NRG3: variants seen among roughly 807,000 people sequenced by gnomAD.
NRG3 encodes the protein pro-neuregulin-3, membrane-bound isoform.
Under a neutral mutation model 66.9 loss-of-function variants are expected in NRG3, and 31 were observed. The ratio of observed to expected loss-of-function variants is 0.46; its 90% CI spans 0.35 to 0.63. NRG3 has a LOEUF of 0.63. Among genes scored for constraint, NRG3 ranks in the 20% least tolerant of loss-of-function variants. The probability of loss-of-function intolerance (pLI) is 0.00; values close to 1 mark genes in which losing one functional copy is unlikely to be tolerated. For missense variants in NRG3, 910 were observed against 878.9 expected (o/e 1.04, Z -0.45); for synonymous variants, 393 against 359.4 (o/e 1.09, Z -1.06).
intron 1 of NRG3, among the ~76,000 whole-genome samples, chr10:82,064,216 A>G (rs2064318813): frequency 6.6e-6 from 1 of 152,202 alleles, no homozygotes; most frequent in Non-Finnish European, 1.5e-5. Context: ...TGCATAGCTT[A>G]TAGTCCTGAG....
chr10:81,981,634 C>G (rs1467402940), intron 1 of NRG3, among the ~76,000 whole-genome samples: 1 of 152,220 alleles, frequency 6.6e-6, no homozygotes, highest in Non-Finnish European at 1.5e-5. Context: ...AAAGAGACAG[C>G]CTTGGCTTTC....
chr10:82,383,057 G>A (rs544753119), intron 2 of NRG3, among the ~76,000 whole-genome samples: 1 of 151,864 alleles, frequency 6.6e-6, no homozygotes, highest in South Asian at 2.1e-4. Context: ...CCTTCAAAAA[G>A]GCCTTCATTT....
intron 2 of NRG3, among the ~76,000 whole-genome samples, chr10:82,670,193 T>C (rs2053154531): frequency 6.6e-6 from 1 of 152,122 alleles, no homozygotes. Flanking sequence ...CCCACTCTTA[T>C]TTCCCACTAC....
At chr10:82,461,481 C>T (rs1481600362) in intron 2 of NRG3, among the ~76,000 whole-genome samples, 2 of 152,160 alleles carry the variant, frequency 1.3e-5, no homozygotes, top group Non-Finnish European at 2.9e-5. Flanking sequence ...TTTTCTGTTT[C>T]CACATTCTTA....
intron 2 of NRG3, among the ~76,000 whole-genome samples, chr10:82,372,822 G>A (rs2084972004): frequency 6.6e-6 from 1 of 152,188 alleles, no homozygotes; most frequent in South Asian, 2.1e-4. Flanking sequence ...TCAAACTCCA[G>A]GCCTCAAGGG....
At chr10:82,029,244 C>T (rs1252137004) in intron 1 of NRG3, among the ~76,000 whole-genome samples, 1 of 151,952 alleles carries the variant, frequency 6.6e-6, no homozygotes, top group Admixed American at 6.6e-5. Context: ...CTCTGATACC[C>T]ATCGTTACCA....
intron 4 of NRG3, among the ~76,000 whole-genome samples, chr10:82,897,643 C>T (rs1041486428): frequency 5.3e-5 from 8 of 152,116 alleles, no homozygotes; most frequent in South Asian, 2.1e-4. Context: ...CTCAGCCTCC[C>T]GAGTAGCTGG....
At chr10:82,196,580 G>A (rs972311224) in intron 1 of NRG3, among the ~76,000 whole-genome samples, 1 of 152,096 alleles carries the variant, frequency 6.6e-6, no homozygotes, top group Non-Finnish European at 1.5e-5. Flanking sequence ...ATGCTAAAAG[G>A]TAATAATAAA....
At chr10:82,277,236 A>G (rs1156784449) in intron 1 of NRG3, among the ~76,000 whole-genome samples, 1 of 152,060 alleles carries the variant, frequency 6.6e-6, no homozygotes, top group African/African-American at 2.4e-5. Flanking sequence ...AAATGGAAAA[A>G]TCTTTAATCT....
At chr10:82,774,882 G>T in intron 3 of NRG3, among the ~76,000 whole-genome samples, 1 of 134,354 alleles carries the variant, frequency 7.4e-6, no homozygotes, top group East Asian at 2.2e-4. Context: ...TGTTAATGTG[G>T]CATGATCTCA....
intron 4 of NRG3, among the ~76,000 whole-genome samples, chr10:82,881,043 G>T (rs776523851): frequency 2.1e-4 from 32 of 152,144 alleles, no homozygotes; most frequent in Non-Finnish European, 3.8e-4. Flanking sequence ...AGTGTGCTTT[G>T]TGTCCCAAGG....
intron 3 of NRG3, among the ~76,000 whole-genome samples, chr10:82,844,071 A>G (rs763128875): frequency 6.6e-6 from 1 of 152,214 alleles, no homozygotes; most frequent in African/African-American, 2.4e-5. Flanking sequence ...AAGACTATGA[A>G]TGCCATAAAT....
At chr10:82,217,716 C>G (rs1294823350) in intron 1 of NRG3, among the ~76,000 whole-genome samples, 1 of 152,138 alleles carries the variant, frequency 6.6e-6, no homozygotes, top group Admixed American at 6.5e-5. Flanking sequence ...CCTGTGTGCT[C>G]CCATGTCTGA....
In NRG3 at chr10:82,137,352, A is replaced by G. The variant is rs529781180; in HGVS notation, c.824-221387A>G. ...TAAATTCATGCTAAGCCGAAGTGCC[A>G]GAATATTAACTAAATGCAGGTGATG... On this transcript the variant is annotated intron_variant, in intron 1 of 8. Transcript: ENST00000372141. 3.9e-5 allele frequency among the ~76,000 whole-genome samples: 6 copies of G among 152,344 alleles called. No homozygotes were observed. The East Asian group carries it at 9.7e-4, about 25-fold the overall frequency.
chr10:82,321,713 A>G (rs75241419), intron 1 of NRG3, among the ~76,000 whole-genome samples: 1 of 152,226 alleles, frequency 6.6e-6, no homozygotes, highest in South Asian at 2.1e-4. Context: ...CAAAGCATGT[A>G]TGCATAGCTC....
chr10:82,902,382 T>C (rs912012445), intron 4 of NRG3, among the ~76,000 whole-genome samples: 2 of 152,186 alleles, frequency 1.3e-5, no homozygotes, highest in Admixed American at 6.5e-5. Flanking sequence ...AGCATTTCTT[T>C]TTTTTTGAAA....
intron 1 of NRG3, among the ~76,000 whole-genome samples, chr10:82,319,302 C>A (rs142462578): frequency 6.6e-6 from 1 of 152,144 alleles, no homozygotes; most frequent in Non-Finnish European, 1.5e-5. Flanking sequence ...ATTAGTCAAT[C>A]GCTTTTTCTA....
intron 2 of NRG3, among the ~76,000 whole-genome samples, chr10:82,528,618 CAG>C (rs1318349780): frequency 6.6e-6 from 1 of 152,122 alleles, no homozygotes; most frequent in Non-Finnish European, 1.5e-5. Flanking sequence ...GTCTCGGAGA[CAG>C]AGTTTGCTAT....
At position 82,959,026 on chromosome 10, in the gene NRG3, C is replaced by A. The variant is rs370071654; in HGVS notation, c.1235C>A (p.Thr412Lys). ...GKSYSLKASS[T>K]MAKSENLVKS... ...AGCTACAGTCTCAAAGCATCCAGCA[C>A]AATGGCAAAGTCAGAGAACTTGGTG... Residue 412 changes from threonine (T) to lysine (K), a missense_variant, in exon 6 of 9, where the codon ACA becomes AAA. Thr to Lys is a moderately conservative substitution (Grantham distance 78). Transcript: ENST00000372141. The A allele has an allele frequency of 1.3e-5, 21 of 1,607,596 alleles. No homozygotes were observed. Among genetic ancestry groups the A allele is most frequent in the Middle Eastern group, 3.3e-4 (2 of 6,020 alleles).
Sources: allele counts gnomAD v4.1 joint callset (sites outside exome capture counted in the v4.1 genomes callset), GRCh38; gene constraint gnomAD v4.1.1; transcripts MANE v1.5; gene names NCBI Gene and HGNC (gene_info 2026-07-23, HGNC 2026-07-21).